The following MEIG1 variants were observed in gnomAD, a reference collection of about 807,000 sequenced individuals.
MEIG1 encodes the protein meiosis expressed gene 1 protein homolog.
Under a neutral mutation model 11.3 loss-of-function variants are expected in MEIG1, and 12 were observed. The observed-to-expected ratio is 1.07, with a 90% CI of 0.68 to 1.73. The LOEUF is 1.73. MEIG1 is among the 40% of genes most tolerant of loss of function. The probability of loss-of-function intolerance (pLI) is 0.00; values close to 1 mark genes in which losing one functional copy is unlikely to be tolerated. For missense variants in MEIG1, 119 were observed against 104.9 expected, an observed-to-expected ratio of 1.13 and a Z score of -0.59; for synonymous variants, 41 against 33.2, an observed-to-expected ratio of 1.24 and a Z score of -0.81.
intron 1 of MEIG1, among the ~76,000 whole-genome samples, chr10:14,964,783 T>A (rs548390700): frequency 1.2e-5 from 1 of 86,390 alleles, no homozygotes; most frequent in African/African-American, 5.1e-5. Context: ...CACGCCCAGT[T>A]CATTTTTTTT....
upstream of MEIG1, among the ~76,000 whole-genome samples, chr10:14,958,066 G>C (rs1842969844): frequency 6.6e-6 from 1 of 152,200 alleles, no homozygotes; most frequent in African/African-American, 2.4e-5. Context: ...ATGATGGCTT[G>C]AGTAGAAGCT....
chr10:14,974,433 C>T (rs1843189170), downstream of MEIG1, among the ~76,000 whole-genome samples: 1 of 151,966 alleles, frequency 6.6e-6, no homozygotes, highest in African/African-American at 2.4e-5. Flanking sequence ...TTGAGAAGGT[C>T]GGCAGAGGTG....
In MEIG1 at chr10:14,966,654, A is replaced by G. The variant is rs1396227308; in HGVS notation, c.138+48A>G. 5 of 1,553,594 alleles carry G rather than the reference A, an allele frequency of 3.2e-6. No homozygotes were observed. In the South Asian group the frequency reaches 4.8e-5, roughly 15 times the overall value. On this transcript the variant is annotated intron_variant, in intron 2 of 2. Coordinates refer to ENST00000407572, the MANE Select transcript of MEIG1 (RefSeq NM_001080836.3). ...CCTCAACTCGAAATGTATTTCTCAG[A>G]TGCTGAAAAGTATTTTATAAACAAC...
downstream of MEIG1, among the ~76,000 whole-genome samples, chr10:14,974,435 G>T (rs1292728650): frequency 6.6e-6 from 1 of 152,054 alleles, no homozygotes; most frequent in African/African-American, 2.4e-5. Context: ...GAGAAGGTCG[G>T]CAGAGGTGAA....
chr10:14,983,844 G>A (rs12247321), intron 1 of MEIG1, among the ~76,000 whole-genome samples: 11,884 of 151,936 alleles, frequency 0.078, 589 homozygotes, highest in Middle Eastern at 0.14. Context: ...CAGAAAGCGT[G>A]CACCACCCCA....
downstream of MEIG1, among the ~76,000 whole-genome samples, chr10:14,977,749 T>C (rs1244616570): frequency 6.6e-6 from 1 of 152,098 alleles, no homozygotes; most frequent in South Asian, 2.1e-4. Context: ...CCCTGTGATA[T>C]TTTTCATAAT....
rs765684238 is a variant in MEIG1, at chr10:14,966,540, G to A, written c.72G>A (p.Leu24=). Residue 24 remains leucine (L), a synonymous_variant, in exon 2 of 3, where the codon CTG becomes CTA. Coordinates refer to ENST00000407572, the MANE Select transcript of MEIG1 (RefSeq NM_001080836.3). ...AATGGTCAGAAGAGATAGAAAATCT[G>A]TACAGATTTCAACAAGCAGGATATC... ...AKKWSEEIEN[L]YRFQQAGYRD... is the part of the protein sequence containing the mutation. 4.3e-6 allele frequency: 7 copies of A among 1,612,752 alleles called. No individual in the cohort carries two copies. In the Admixed American group the frequency reaches 8.4e-5, roughly 19 times the overall value.
downstream of MEIG1, among the ~76,000 whole-genome samples, chr10:14,976,989 C>G (rs1406164092): frequency 6.8e-6 from 1 of 148,040 alleles, no homozygotes; most frequent in Non-Finnish European, 1.5e-5. Context: ...GTTATATCCA[C>G]GGGGGATGTT....
At chr10:14,963,142 G>A (rs1274256064) in intron 1 of MEIG1, among the ~76,000 whole-genome samples, 1 of 151,568 alleles carries the variant, frequency 6.6e-6, no homozygotes, top group African/African-American at 2.4e-5. Flanking sequence ...TGTTGCCCAG[G>A]CTGGAGTGCA....
chr10:14,977,042 C>A (rs191704112), downstream of MEIG1, among the ~76,000 whole-genome samples: 13 of 152,132 alleles, frequency 8.5e-5, no homozygotes, highest in Admixed American at 5.9e-4. Context: ...GTTCTATTTC[C>A]TAATGTCCTA....
chr10:14,977,247 T>C (rs1843218997), downstream of MEIG1, among the ~76,000 whole-genome samples: 1 of 152,052 alleles, frequency 6.6e-6, no homozygotes, highest in Non-Finnish European at 1.5e-5. Flanking sequence ...AGCGAGATGA[T>C]ACTCCCAATG....
At chr10:14,971,337 C>A (rs1843148049) in intron 2 of MEIG1, among the ~76,000 whole-genome samples, 1 of 149,532 alleles carries the variant, frequency 6.7e-6, no homozygotes, top group Non-Finnish European at 1.5e-5. Context: ...TTGAGACCAG[C>A]CTGGGCAACA....
At chr10:14,984,227 G>C (rs1843294911) in intron 1 of MEIG1, among the ~76,000 whole-genome samples, 1 of 139,502 alleles carries the variant, frequency 7.2e-6, no homozygotes, top group African/African-American at 2.9e-5. Context: ...ACCCCCCTGC[G>C]ATGTGGATCG....
At chr10:14,964,585 G>GTATA (rs1240178960) in intron 1 of MEIG1, among the ~76,000 whole-genome samples, 10 of 93,034 alleles carry the variant, frequency 1.1e-4, no homozygotes, top group African/African-American at 3.6e-4. Context: ...GTGTGTGTGT[G>GTATA]TATATATATA....
chr10:14,986,379 A>T (rs1289810091), intron 1 of MEIG1, among the ~76,000 whole-genome samples: 1 of 152,210 alleles, frequency 6.6e-6, no homozygotes, highest in African/African-American at 2.4e-5. Flanking sequence ...AGAAGACCTT[A>T]AAAACCAGCA....
downstream of MEIG1, among the ~76,000 whole-genome samples, chr10:14,974,552 CCAG>C (rs370924324): frequency 1.2e-3 from 179 of 152,136 alleles, no homozygotes; most frequent in Admixed American, 3.7e-3. Context: ...GGGTCGTAAA[CCAG>C]CTGTCGAGGG....
Position 14,972,530 on chromosome 10 carries a change from G to C in MEIG1, c.156G>C (p.Glu52Asp). ...ATGTGCAGGTAGATCGTTGGCCGGA[G>C]ACAGGATATGTGAAGAAACTTCAGA... ...KQVSMVDRWP[E>D]TGYVKKLQRR... The change falls in exon 3 of 3, where the codon GAG becomes GAC. Residue 52 changes from glutamate to aspartate, a missense_variant. Coordinates refer to ENST00000407572, the MANE Select transcript of MEIG1 (RefSeq NM_001080836.3). The C allele has an allele frequency of 6.2e-7, 1 of 1,614,056 alleles. No homozygotes were observed. Among genetic ancestry groups the C allele is most frequent in the Non-Finnish European group, 8.5e-7 (1 of 1,179,986 alleles).
chr10:14,971,923 C>T (rs1217351040), intron 2 of MEIG1, among the ~76,000 whole-genome samples: 2 of 151,970 alleles, frequency 1.3e-5, no homozygotes, highest in East Asian at 3.9e-4. Flanking sequence ...TCCAGGACAG[C>T]TTGGGCAATG....
At position 14,966,890 on chromosome 10, in the gene MEIG1, C is replaced by T. The variant is rs543024408; in HGVS notation, c.138+284C>T. On this transcript the variant is annotated intron_variant, in intron 2 of 2. Transcript: ENST00000407572. ...CTGGGATCACAGGCGTGCACCACCA[C>T]GCCTGGCTAATTTTTGTATTTTTGT... Among the ~76,000 whole-genome samples, 3 of 152,176 alleles carry T rather than the reference C, an allele frequency of 2.0e-5. No individual in the cohort carries two copies. The East Asian group carries it at 5.8e-4, about 29-fold the overall frequency.
Sources: allele counts gnomAD v4.1 joint callset (sites outside exome capture counted in the v4.1 genomes callset), GRCh38; gene constraint gnomAD v4.1.1; transcripts MANE v1.5; gene names NCBI Gene and HGNC (gene_info 2026-07-23, HGNC 2026-07-21).